Variants in UGGT1 observed in about 807,000 individuals in gnomAD.
UGGT1 encodes the protein UDP-glucose glycoprotein glucosyltransferase 1.
Under a neutral mutation model 203.9 loss-of-function variants are expected in UGGT1, and 107 were observed. That is an observed-to-expected ratio of 0.52 (90% CI 0.45 to 0.62). UGGT1 has a LOEUF of 0.62. Among genes scored for constraint, UGGT1 ranks in the 20% least tolerant of loss-of-function variants. The probability of loss-of-function intolerance (pLI) is 0.00; values close to 1 mark genes in which losing one functional copy is unlikely to be tolerated. For missense variants in UGGT1, 1,673 were observed against 1,867.2 expected (o/e 0.90, Z 1.92); for synonymous variants, 628 against 653.5 (o/e 0.96, Z 0.59).
rs79150578 is a variant in UGGT1 at position 128,142,912 on chromosome 2, C to T, written c.1720-182C>T. The stretch of plus-strand genomic sequence containing the variant: ...AGGAGATTCACACGAATCCGGAAGG[C>T]GGAGGTTCAGTGAGCCGAGATTGTG... On this transcript the variant is annotated intron_variant, in intron 16 of 40. Transcript: ENST00000259253. Among the ~76,000 whole-genome samples, 375 of 147,552 alleles carry T rather than the reference C, an allele frequency of 2.5e-3. 3 individuals carry two copies. In the East Asian group the frequency reaches 0.041, roughly 16 times the overall value.
intron 22 of UGGT1, among the ~76,000 whole-genome samples, chr2:128,158,568 A>AC (rs1690362404): frequency 3.3e-5 from 5 of 152,260 alleles, no homozygotes; most frequent in Non-Finnish European, 7.3e-5. Context: ...CTGTAGTATT[A>AC]TATCATATGG....
Position 128,108,077 on chromosome 2 carries a change from A to G in UGGT1, c.408+9A>G, listed in dbSNP as rs1474212337. 6.2e-7 allele frequency: 1 copy of G among 1,613,948 alleles called. No homozygotes were observed. The highest frequency in any genetic ancestry group is 1.3e-5 in the African/African-American group (1 of 74,918). ...TCCAAGCCTTCCAGCAGGTGGGTCC[A>G]GTGCTCTTAAAGAACAGCATTTTAG... On this transcript the variant is annotated intron_variant, in intron 4 of 40. Transcript: ENST00000259253.
Position 128,189,908 on chromosome 2 carries a change from T to G in UGGT1, c.*166T>G. The G allele has an allele frequency of 1.5e-6, 1 of 667,568 alleles. No individual in the cohort carries two copies. Among genetic ancestry groups the G allele is most frequent in the Non-Finnish European group, 2.5e-6 (1 of 405,134 alleles). The allele number at this position is 667,568 out of a possible 1,614,324, so 41.4% of individuals were successfully genotyped here. On this transcript the variant is annotated 3_prime_UTR_variant, in exon 41 of 41. Transcript: ENST00000259253. ...CTGACTTCTGTACTCTGGTGGCCAC[T>G]GGATCTTTGGGATTAAAGCTCTGTT... is the stretch of plus-strand genomic sequence containing the variant.
intron 26 of UGGT1, among the ~76,000 whole-genome samples, chr2:128,165,249 C>A (rs1478437726): frequency 2.0e-5 from 3 of 152,146 alleles, no homozygotes; most frequent in African/African-American, 7.2e-5. Flanking sequence ...AAGGGAGACC[C>A]TGTCTCTACA....
At chr2:128,138,986 C>T in intron 16 of UGGT1, 134 bp downstream of exon 16, 4 of 1,154,634 alleles carry the variant, frequency 3.5e-6, no homozygotes, top group Non-Finnish European at 4.9e-6. Context: ...AAAGTCATGT[C>T]TGCTGCAGTG....
intron 11 of UGGT1, among the ~76,000 whole-genome samples, chr2:128,124,797 T>C (rs2105401543): frequency 6.6e-6 from 1 of 152,306 alleles, no homozygotes; most frequent in Admixed American, 6.5e-5. Context: ...TTTATGGTGT[T>C]CCCGTGTATC....
At chr2:128,132,476 A>C (rs1035690272) in intron 13 of UGGT1, among the ~76,000 whole-genome samples, 4 of 152,212 alleles carry the variant, frequency 2.6e-5, no homozygotes, top group Non-Finnish European at 5.9e-5. Context: ...TGAACCCAGG[A>C]GGCAGAGGTT....
chr2:128,170,134 T>C (rs1363100372), intron 26 of UGGT1, among the ~76,000 whole-genome samples, 154 bp from the exon 27 acceptor site: 1 of 152,208 alleles, frequency 6.6e-6, no homozygotes, highest in African/African-American at 2.4e-5. Context: ...ATCTTTGGGA[T>C]AGACAGAATC....
chr2:128,147,787 C>T (rs1246896423), intron 18 of UGGT1, among the ~76,000 whole-genome samples: 1 of 151,682 alleles, frequency 6.6e-6, no homozygotes. Context: ...ATTTTTGTAT[C>T]TTTTTGTGGA....
chr2:128,157,487 TA>T, intron 22 of UGGT1, 141 bp downstream of exon 22: 1 of 611,794 alleles, frequency 1.6e-6, no homozygotes, highest in Non-Finnish European at 2.8e-6. Flanking sequence ...ATTGTATCTC[TA>T]GAGATCTGCC....
chr2:128,160,968 G>T (rs552931058), intron 24 of UGGT1, among the ~76,000 whole-genome samples, 170 bp from the exon 25 acceptor site: 25 of 152,200 alleles, frequency 1.6e-4, no homozygotes, highest in South Asian at 8.3e-4. Context: ...TATTTGCTTT[G>T]GGCTTCACTT....
intron 17 of UGGT1, 33 bp from the exon 18 acceptor site, chr2:128,145,770 A>G: frequency 6.6e-7 from 1 of 1,508,700 alleles, no homozygotes; most frequent in Non-Finnish European, 8.9e-7. Context: ...AAAAGGCAAA[A>G]ATATACTGTT....
At chr2:128,109,810 A>G in intron 5 of UGGT1, 64 bp downstream of exon 5, 1 of 1,364,768 alleles carries the variant, frequency 7.3e-7, no homozygotes, top group Non-Finnish European at 1.0e-6. Flanking sequence ...CATTTGGTCT[A>G]CCTTCTGATT....
chr2:128,157,306 CT>C lies in UGGT1; in HGVS notation c.2317del (p.Ser773LeufsTer21). On this transcript the variant is annotated frameshift_variant, in exon 22 of 41. Coordinates refer to ENST00000259253, the MANE Select transcript of UGGT1 (RefSeq NM_020120.4). LOFTEE classifies it high-confidence loss of function. Reference protein sequence around the residue: ...TFWIVGDFDSPSGRQLLYDAI... With the variant: ...TFWIVGDFDSXSGRQLLYDAI... ...TGGATTGTTGGGGATTTTGATAGCC[CT>C]TCTGGACGGCAGTTACTGTATGATG... 1 of 1,614,058 alleles carries C rather than the reference CT, an allele frequency of 6.2e-7. No individual in the cohort carries two copies. Among genetic ancestry groups the C allele is most frequent in the African/African-American group, 1.3e-5 (1 of 74,986 alleles).
intron 13 of UGGT1, among the ~76,000 whole-genome samples, chr2:128,132,016 A>G (rs1249356527): frequency 6.6e-6 from 1 of 152,178 alleles, no homozygotes; most frequent in Non-Finnish European, 1.5e-5. Flanking sequence ...ACATACCAGC[A>G]TTGCATGAGA....
Position 128,191,124 on chromosome 2 carries a change from C to T in UGGT1, c.*1382C>T, listed in dbSNP as rs1032973709. 3.3e-5 allele frequency: 5 copies of T among 152,356 alleles called. No homozygotes were observed. Among genetic ancestry groups the T allele is most frequent in the South Asian group, 4.1e-4 (2 of 4,830 alleles). The allele number at this position is 152,356 out of a possible 1,614,324, so 9.4% of individuals were successfully genotyped here. A position where few individuals can be genotyped will look rare whatever the true frequency, so the allele number is the denominator to read the frequency against. On this transcript the variant is annotated 3_prime_UTR_variant, in exon 41 of 41. Transcript: ENST00000259253. ...TAGACAGGCACGCTCTGTCTTCCAA[C>T]GTGCACCAGCCTTTTCTTACATATT...
intron 17 of UGGT1, 38 bp downstream of exon 17, chr2:128,143,263 A>T: frequency 6.2e-7 from 1 of 1,607,998 alleles, no homozygotes; most frequent in Non-Finnish European, 8.5e-7. Flanking sequence ...TGATTGCAAC[A>T]TTGTACTGTC....
At chr2:128,160,149 A>G (rs990206239) in intron 23 of UGGT1, among the ~76,000 whole-genome samples, 1 of 152,168 alleles carries the variant, frequency 6.6e-6, no homozygotes, top group African/African-American at 2.4e-5. Context: ...ATGAGTATAT[A>G]CTATTTGACG....
chr2:128,147,459 T>G (rs1053064401), intron 18 of UGGT1, among the ~76,000 whole-genome samples: 1 of 152,216 alleles, frequency 6.6e-6, no homozygotes, highest in African/African-American at 2.4e-5. Flanking sequence ...AAATTCTTTT[T>G]CTAATTAAGT....
Sources: allele counts gnomAD v4.1 joint callset (sites outside exome capture counted in the v4.1 genomes callset), GRCh38; gene constraint gnomAD v4.1.1; transcripts MANE v1.5; gene names NCBI Gene and HGNC (gene_info 2026-07-23, HGNC 2026-07-21).